Variants in PLXNA1 observed in about 807,000 individuals in gnomAD.
The protein encoded by PLXNA1 is plexin-A1.
Under a neutral mutation model 191.7 loss-of-function variants are expected in PLXNA1, and 77 were observed. The observed-to-expected ratio is 0.40, with a 90% CI of 0.33 to 0.49. The LOEUF is 0.49. Among genes scored for constraint, PLXNA1 ranks in the 20% least tolerant of loss-of-function variants. The probability of loss-of-function intolerance (pLI) is 0.63; values close to 1 mark genes in which losing one functional copy is unlikely to be tolerated. For missense variants in PLXNA1, 2,110 were observed against 2,660.2 expected, an observed-to-expected ratio of 0.79 and a Z score of 4.55; for synonymous variants, 1,137 against 1,156.4, an observed-to-expected ratio of 0.98 and a Z score of 0.34.
intron 3 of PLXNA1, among the ~76,000 whole-genome samples, chr3:126,999,464 A>G (rs1050696587): frequency 2.0e-5 from 3 of 151,518 alleles, no homozygotes; most frequent in Non-Finnish European, 4.4e-5. Context: ...GAGTTGGGCA[A>G]CTCCCCTTGC....
chr3:127,027,594 G>C (rs989367913), intron 23 of PLXNA1: 1 of 458,298 alleles, frequency 2.2e-6, no homozygotes. Flanking sequence ...CGGGGATCCT[G>C]CTGAGACCAG....
intron 10 of PLXNA1, among the ~76,000 whole-genome samples, chr3:127,012,963 T>C: frequency 6.6e-6 from 1 of 152,200 alleles, no homozygotes; most frequent in East Asian, 1.9e-4. Context: ...GGCACTGGGC[T>C]GTCGACAAGG....
intron 22 of PLXNA1, 136 bp from the exon 23 acceptor site, chr3:127,022,616 C>T: frequency 1.2e-6 from 1 of 869,108 alleles, no homozygotes; most frequent in Non-Finnish European, 1.9e-6. Flanking sequence ...CATGTGGGTG[C>T]CTTTCGAGAC....
chr3:127,020,160 G>A (rs757045062), intron 20 of PLXNA1, 42 bp from the exon 21 acceptor site: 1 of 1,605,316 alleles, frequency 6.2e-7, no homozygotes. Flanking sequence ...ATGGAGCGGG[G>A]CCACCAGGGC....
chr3:126,995,279 G>A (rs988387787), intron 3 of PLXNA1, among the ~76,000 whole-genome samples: 69 of 152,290 alleles, frequency 4.5e-4, no homozygotes, highest in African/African-American at 1.5e-3. Context: ...CTCTCTCAGC[G>A]AACTTCCTGC....
At chr3:127,005,037 G>T (rs754851533) in intron 6 of PLXNA1, 29 bp downstream of exon 6, 1 of 1,609,578 alleles carries the variant, frequency 6.2e-7, no homozygotes, top group African/African-American at 1.3e-5. Context: ...GTGGTAAGGG[G>T]TGGGGGACAG....
chr3:127,019,875 G>T (rs184102118), intron 20 of PLXNA1, among the ~76,000 whole-genome samples: 1 of 152,292 alleles, frequency 6.6e-6, no homozygotes, highest in East Asian at 1.9e-4. Flanking sequence ...ACCTCACAGC[G>T]GGTGGAAGGA....
chr3:126,990,708 C>A (rs1352366663), intron 2 of PLXNA1, among the ~76,000 whole-genome samples: 1 of 152,232 alleles, frequency 6.6e-6, no homozygotes, highest in East Asian at 1.9e-4. Flanking sequence ...GCCCCTCAGT[C>A]CTTCCGTCTC....
intron 3 of PLXNA1, among the ~76,000 whole-genome samples, chr3:126,994,899 G>A (rs946598399): frequency 1.3e-5 from 2 of 152,016 alleles, no homozygotes; most frequent in Non-Finnish European, 2.9e-5. Flanking sequence ...GAGGCAGCTG[G>A]CCTGGCTGTG....
intron 23 of PLXNA1, among the ~76,000 whole-genome samples, chr3:127,026,225 G>T (rs2079175848): frequency 6.6e-6 from 1 of 152,294 alleles, no homozygotes; most frequent in South Asian, 2.1e-4. Flanking sequence ...CAGCCTCTAG[G>T]CTGGCCTGGC....
At chr3:127,003,164 TG>T (rs1306819453) in intron 3 of PLXNA1, among the ~76,000 whole-genome samples, 165 bp from the exon 4 acceptor site, 1 of 149,366 alleles carries the variant, frequency 6.7e-6, no homozygotes, top group Non-Finnish European at 1.5e-5. Context: ...GGGCTGGGGC[TG>T]GGGCTGGGGA....
chr3:126,984,275 CGCCCCTTG>C (rs2078946632), intron 1 of PLXNA1, among the ~76,000 whole-genome samples: 1 of 152,176 alleles, frequency 6.6e-6, no homozygotes, highest in African/African-American at 2.4e-5. Context: ...TCTGGGGCCA[CGCCCCTTG>C]AAAGAAAGGG....
Position 127,005,125 on chromosome 3 carries a change from A to G in PLXNA1, c.1779A>G (p.Ser593=). ...VLQAWNVPDL[S]AGVNCSFEDF... ...AGGCCTGGAACGTGCCTGACCTCTC[A>G]GCTGGCGTCAACTGCTCCTTCGAGG... The change falls in exon 7 of 32, where the codon TCA becomes TCG. Residue 593 remains serine (S), a synonymous_variant. Transcript: ENST00000393409. The G allele has an allele frequency of 1.2e-6, 2 of 1,612,756 alleles. No homozygotes were observed. The highest frequency in any genetic ancestry group is 1.7e-6 in the Non-Finnish European group (2 of 1,179,922).
chr3:127,032,303 G>A (rs989657884), intron 29 of PLXNA1, 84 bp from the exon 30 acceptor site: 3 of 1,389,150 alleles, frequency 2.2e-6, no homozygotes, highest in Non-Finnish European at 3.0e-6. Context: ...GCCCACTTTG[G>A]ATTCGGAGCT....
In PLXNA1 at chr3:127,017,517, G is replaced by A. The variant is rs763191206; in HGVS notation, c.3369G>A (p.Pro1123=). Reference sequence around the variant, plus strand: ...GCCCACCAGAGCTGGGGGAGCGGCCGGATGAGCTGGGCTTCGTCATGGACA... The same window carrying A: ...GCCCACCAGAGCTGGGGGAGCGGCCAGATGAGCTGGGCTTCGTCATGGACA... ...VRSPPELGER[P]DELGFVMDNV... Residue 1123 remains proline (P), a synonymous_variant, in exon 18 of 32, where the codon CCG becomes CCA. Transcript: ENST00000393409. The A allele has an allele frequency of 2.0e-5, 33 of 1,613,488 alleles. No individual in the cohort carries two copies. Among genetic ancestry groups the A allele is most frequent in the Non-Finnish European group, 2.6e-5 (31 of 1,180,018 alleles).
At chr3:127,027,484 G>A (rs1267756381) in intron 23 of PLXNA1, 4 of 365,862 alleles carry the variant, frequency 1.1e-5, no homozygotes, top group South Asian at 6.2e-5. Flanking sequence ...TTGGAGTTGC[G>A]TAGTATGGGG....
rs2078990406 is a variant in PLXNA1 at position 126,991,519 on chromosome 3, G to A, written c.1330G>A (p.Gly444Ser). ...CGCCGTGGCTGCCTATGACTATCGG[G>A]GCCGCACTGTGGTATTCGCCGGCAC... is the stretch of plus-strand genomic sequence containing the variant. The part of the protein sequence containing the change: ...LTAVAAYDYR[G>S]RTVVFAGTRS... The change falls in exon 3 of 32, where the codon GGC becomes AGC. Residue 444 changes from glycine (G) to serine (S), a missense_variant. Physicochemically the swap from Gly to Ser is moderately conservative, Grantham distance 56. Coordinates refer to ENST00000393409, the MANE Select transcript of PLXNA1 (RefSeq NM_032242.4). 6.2e-7 allele frequency: 1 copy of A among 1,610,670 alleles called. No homozygotes were observed. The highest frequency in any genetic ancestry group is 8.5e-7 in the Non-Finnish European group (1 of 1,178,434).
At chr3:126,986,011 G>A (rs911212232) in intron 1 of PLXNA1, among the ~76,000 whole-genome samples, 3 of 152,206 alleles carry the variant, frequency 2.0e-5, no homozygotes, top group Non-Finnish European at 2.9e-5. Context: ...AGTTTGGGGC[G>A]GTGGGCCCAA....
intron 4 of PLXNA1, 22 bp downstream of exon 4, chr3:127,003,492 C>T (rs776482464): frequency 1.1e-5 from 17 of 1,575,340 alleles, no homozygotes; most frequent in Admixed American, 6.9e-5. Context: ...ACCAGTCAGA[C>T]GGTGTGGCTG....
Sources: allele counts gnomAD v4.1 joint callset (sites outside exome capture counted in the v4.1 genomes callset), GRCh38; gene constraint gnomAD v4.1.1; transcripts MANE v1.5; gene names NCBI Gene and HGNC (gene_info 2026-07-23, HGNC 2026-07-21).